Variants in GRHL3 observed in about 807,000 individuals in gnomAD.
GRHL3 encodes the protein grainyhead-like protein 3 homolog.
A neutral mutation model predicts 70.3 loss-of-function variants in GRHL3; 20 were observed. The ratio of observed to expected loss-of-function variants is 0.28; its 90% CI spans 0.20 to 0.41. GRHL3 has a LOEUF of 0.41. Among genes scored for constraint, GRHL3 ranks in the 10% least tolerant of loss-of-function variants. The pLI, the probability that GRHL3 is intolerant of heterozygous loss-of-function variation, is 1.00. For missense variants in GRHL3, 637 were observed against 762.3 expected (o/e 0.84, Z 1.94); for synonymous variants, 299 against 299.9 (o/e 1.00, Z 0.03).
rs144669116 is a variant in GRHL3, at chr1:24,325,171, C to A, written c.17+5603C>A. Among the ~76,000 whole-genome samples, 152 of 152,208 alleles carry A rather than the reference C, an allele frequency of 1.0e-3. 1 individual carries two copies. Among genetic ancestry groups the A allele is most frequent in the Non-Finnish European group, 1.1e-3 (73 of 68,010 alleles). On this transcript the variant is annotated intron_variant, in intron 1 of 15. Coordinates refer to ENST00000361548, the MANE Select transcript of GRHL3 (RefSeq NM_198173.3). ...ATTGGGAGTATCTGGGTGTCAACACCCAGCTCAGGCGGCCCCTGGAACTCT... is the reference window on the plus strand; with the variant it reads ...ATTGGGAGTATCTGGGTGTCAACACACAGCTCAGGCGGCCCCTGGAACTCT...
downstream of GRHL3, chr1:24,358,302 T>C (rs539897457): frequency 3.0e-6 from 2 of 671,370 alleles, no homozygotes; most frequent in Admixed American, 4.1e-5. Context: ...CACTCCTCCC[T>C]TCTGCTCAGG....
chr1:24,347,818 G>A (rs375284086), intron 14 of GRHL3, among the ~76,000 whole-genome samples: 1 of 152,200 alleles, frequency 6.6e-6, no homozygotes, highest in South Asian at 2.1e-4. Flanking sequence ...TGTCTGACAG[G>A]CCAGGGTTTT....
chr1:24,364,446 C>A, exon 16 of GRHL3: 1 of 1,440,194 alleles, frequency 6.9e-7, no homozygotes, highest in South Asian at 1.6e-5. Flanking sequence ...AGTATGTGGC[C>A]CCTGAATACA....
chr1:24,322,398 A>G lies in GRHL3; in HGVS notation c.17+2830A>G, dbSNP rs76415654. Among the ~76,000 whole-genome samples the G allele has an allele frequency of 0.033, 5,009 of 152,306 alleles. 277 individuals carry two copies. The highest frequency in any genetic ancestry group is 0.11 in the African/African-American group (4,699 of 41,554). ...GCCTGGAGCGCTGAAAGAGTTAATC[A>G]GGAACGCCTCCCCGCTGTGGTTTTG... On this transcript the variant is annotated intron_variant, in intron 1 of 15. Coordinates refer to ENST00000361548, the MANE Select transcript of GRHL3 (RefSeq NM_198173.3). The surrounding 1 kb of genome is among the most constrained non-coding windows in gnomAD (Gnocchi z 4.4).
chr1:24,355,590 G>A (rs923004765), downstream of GRHL3, among the ~76,000 whole-genome samples: 3 of 152,230 alleles, frequency 2.0e-5, no homozygotes, highest in Non-Finnish European at 4.4e-5. Context: ...GAAGGGTGTA[G>A]AATGAGCTTG....
chr1:24,340,633 G>C (rs1427320803), intron 8 of GRHL3, among the ~76,000 whole-genome samples: 1 of 152,178 alleles, frequency 6.6e-6, no homozygotes, highest in African/African-American at 2.4e-5. Flanking sequence ...CACTCAGCAG[G>C]GTCAGGTCCA....
intron 13 of GRHL3, 41 bp from the exon 14 acceptor site, chr1:24,347,427 A>C: frequency 6.6e-7 from 1 of 1,505,288 alleles, no homozygotes; most frequent in Non-Finnish European, 9.3e-7. Context: ...GATCCTGTTC[A>C]CATTATCTTC....
chr1:24,344,948 C>G lies in GRHL3; in HGVS notation c.1454+17C>G. 1 of 1,612,876 alleles carries G rather than the reference C, an allele frequency of 6.2e-7. No homozygotes were observed. Among genetic ancestry groups the G allele is most frequent in the Non-Finnish European group, 8.5e-7 (1 of 1,179,556 alleles). ...CTCCAACAGGTATGGAGAGAAACAA[C>G]CACACGCCTCCCTCCACACCTGTGC... is the stretch of plus-strand genomic sequence containing the variant. On this transcript the variant is annotated intron_variant, in intron 12 of 15. Coordinates refer to ENST00000361548, the MANE Select transcript of GRHL3 (RefSeq NM_198173.3).
rs1248482583 is a variant in GRHL3 at position 24,354,700 on chromosome 1, G to A, written c.*212G>A. ...GGATCCCCATGGTATGCTTGAATCT[G>A]CTCCCTGAACTTCCTGCCAGTGCCT... On this transcript the variant is annotated 3_prime_UTR_variant, in exon 16 of 16. Transcript: ENST00000361548. 4.1e-6 allele frequency: 2 copies of A among 485,614 alleles called. No individual in the cohort carries two copies. The highest frequency in any genetic ancestry group is 2.5e-5 in the South Asian group (1 of 40,262). The allele number at this position is 485,614 out of a possible 1,614,324, so 30.1% of individuals were successfully genotyped here. A position where few individuals can be genotyped will look rare whatever the true frequency, so the allele number is the denominator to read the frequency against.
intron 7 of GRHL3, among the ~76,000 whole-genome samples, chr1:24,338,396 A>C (rs1161773295): frequency 3.3e-5 from 5 of 152,242 alleles, no homozygotes; most frequent in African/African-American, 1.2e-4. Context: ...ACACAAATGC[A>C]CAAGATAAGG....
intron 12 of GRHL3, 22 bp downstream of exon 12, chr1:24,344,953 C>T (rs200077173): frequency 1.6e-4 from 256 of 1,611,916 alleles, no homozygotes; most frequent in Non-Finnish European, 2.0e-4. Context: ...AACAACCACA[C>T]GCCTCCCTCC....
At chr1:24,323,177 GTTAAGGGGAAGAGAGGGAGTCA>G (rs1639268635) in intron 1 of GRHL3, 1 of 1,045,696 alleles carries the variant, frequency 9.6e-7, no homozygotes, top group African/African-American at 1.6e-5. Flanking sequence ...CTTTGGAGTC[GTTAAGGGGAAGAGAGGGAGTCA>G]TTATTTTGAA....
intron 13 of GRHL3, among the ~76,000 whole-genome samples, chr1:24,347,096 C>T (rs757414467): frequency 6.6e-6 from 1 of 152,244 alleles, no homozygotes; most frequent in Non-Finnish European, 1.5e-5. Flanking sequence ...CAAAAGCTTC[C>T]AGCAGCCATG....
intron 1 of GRHL3, among the ~76,000 whole-genome samples, chr1:24,320,709 C>T (rs931823300): frequency 1.3e-5 from 2 of 152,240 alleles, no homozygotes; most frequent in Non-Finnish European, 2.9e-5. Flanking sequence ...TTCATGTTCA[C>T]AGCACAATCA....
intron 1 of GRHL3, 52 bp downstream of exon 1, chr1:24,319,620 G>T: frequency 6.2e-7 from 1 of 1,613,258 alleles, no homozygotes; most frequent in Non-Finnish European, 8.5e-7. Context: ...GAGGCTGGAT[G>T]GGGTTTCCTG....
chr1:24,359,087 T>C (rs977710835), downstream of GRHL3, among the ~76,000 whole-genome samples: 1 of 152,176 alleles, frequency 6.6e-6, no homozygotes, highest in African/African-American at 2.4e-5. This position sits in a 1 kb window ranked among gnomAD's most constrained non-coding sequence, Gnocchi z 5.3. Context: ...ACTTGGTTAA[T>C]GAGGGTCCCG....
intron 14 of GRHL3, among the ~76,000 whole-genome samples, chr1:24,348,874 G>A (rs974936755): frequency 6.6e-6 from 1 of 152,182 alleles, no homozygotes; most frequent in Non-Finnish European, 1.5e-5. Flanking sequence ...TTTCTAAAAT[G>A]CCCAGAGAGG....
rs554236217 is a variant in GRHL3 at position 24,330,618 on chromosome 1, C to G, written c.18-808C>G. On this transcript the variant is annotated intron_variant, in intron 1 of 15. Coordinates refer to ENST00000361548, the MANE Select transcript of GRHL3 (RefSeq NM_198173.3). The stretch of plus-strand genomic sequence containing the variant: ...TCCATTCTTATTTTTCTGTTAGGTC[C>G]CTGCTCCTTCCCCACATTGCTGAGT... 2.0e-4 allele frequency among the ~76,000 whole-genome samples: 31 copies of G among 152,262 alleles called. No homozygotes were observed. In the South Asian group the frequency reaches 5.4e-3, roughly 27 times the overall value.
chr1:24,342,068 T>C lies in GRHL3; in HGVS notation c.1048-47T>C, dbSNP rs999768050. 6.6e-7 allele frequency: 1 copy of C among 1,506,662 alleles called. No individual in the cohort carries two copies. Among genetic ancestry groups the C allele is most frequent in the African/African-American group, 1.4e-5 (1 of 72,136 alleles). The allele number at this position is 1,506,662 out of a possible 1,614,324, so 93.3% of individuals were successfully genotyped here. A position where few individuals can be genotyped will look rare whatever the true frequency, so the allele number is the denominator to read the frequency against. On this transcript the variant is annotated intron_variant, in intron 8 of 15. Transcript: ENST00000361548. The surrounding 1 kb of genome is among the most constrained non-coding windows in gnomAD (Gnocchi z 4.8). ...CAGGATCACTGTGGGACGGTGGGGC[T>C]GGCCACCTGGGCAGGCCACTTACCC...
Sources: gnomAD v4.1 joint callset for allele counts (sites outside exome capture counted in the v4.1 genomes callset) on GRCh38, gnomAD v4.1.1 for gene constraint, Gnocchi (gnomAD v3.1) non-coding constraint, MANE v1.5 for transcripts, NCBI Gene and HGNC (gene_info 2026-07-23, HGNC 2026-07-21) for gene names.